The following AOPEP variants were observed in gnomAD, a reference collection of about 807,000 sequenced individuals.
AOPEP encodes the protein aminopeptidase O (putative).
A neutral mutation model predicts 98.1 loss-of-function variants in AOPEP; 77 were observed. The ratio of observed to expected loss-of-function variants is 0.78; its 90% CI spans 0.65 to 0.95. AOPEP has a LOEUF of 0.95. Among genes scored for constraint, AOPEP ranks in the 40% least tolerant of loss-of-function variants. AOPEP has a pLI of 0.00. For synonymous variants in AOPEP, 346 were observed against 365.3 expected (o/e 0.95, Z 0.60); for missense variants, 1,024 against 1,024.7 (o/e 1.00, Z 0.01).
chr9:94,919,116 ATG>A (rs2136674633), intron 5 of AOPEP, among the ~76,000 whole-genome samples: 1 of 152,176 alleles, frequency 6.6e-6, no homozygotes, highest in South Asian at 2.1e-4. Context: ...GGGTTTCACT[ATG>A]TTGGCCAGGC....
At chr9:94,981,345 C>T (rs2060170609) in intron 11 of AOPEP, among the ~76,000 whole-genome samples, 1 of 152,188 alleles carries the variant, frequency 6.6e-6, no homozygotes. Context: ...AGAATCTCTG[C>T]TATAAACTGA....
chr9:94,852,099 A>T (rs559061701), intron 5 of AOPEP, among the ~76,000 whole-genome samples: 1 of 152,138 alleles, frequency 6.6e-6, no homozygotes, highest in African/African-American at 2.4e-5. Flanking sequence ...GACCCCGTAG[A>T]CATGATAATT....
the AOPEP span, chr9:95,101,811 A>G: frequency 1.2e-6 from 2 of 1,614,138 alleles, no homozygotes; most frequent in Non-Finnish European, 1.7e-6. Context: ...TGGTCAAGAA[A>G]GCCAATGATC....
chr9:94,977,167 C>T (rs912735223), intron 10 of AOPEP, among the ~76,000 whole-genome samples: 6 of 152,044 alleles, frequency 3.9e-5, no homozygotes, highest in African/African-American at 1.4e-4. Context: ...GGAGGTAAGA[C>T]AGATTTTATA....
At chr9:94,765,087 A>G (rs1839240973) in intron 2 of AOPEP, among the ~76,000 whole-genome samples, 1 of 151,876 alleles carries the variant, frequency 6.6e-6, no homozygotes, top group African/African-American at 2.4e-5. Context: ...TCAGCCTTCC[A>G]AGTAGCTGGG....
chr9:95,087,407 C>CAGG (rs1405321187), downstream of AOPEP, among the ~76,000 whole-genome samples: 1 of 132,148 alleles, frequency 7.6e-6, no homozygotes, highest in East Asian at 2.3e-4. Flanking sequence ...CGCTTGAACC[C>CAGG]AGGAGGTGGC....
At chr9:95,104,460 G>A in the AOPEP span, among the ~76,000 whole-genome samples, 3 of 152,306 alleles carry the variant, frequency 2.0e-5, no homozygotes, top group East Asian at 5.8e-4. Flanking sequence ...CTGTGCTCCT[G>A]AGGGTTCCCG....
At chr9:94,819,197 G>T (rs148231260) in intron 5 of AOPEP, among the ~76,000 whole-genome samples, 5 of 152,140 alleles carry the variant, frequency 3.3e-5, no homozygotes, top group African/African-American at 9.7e-5. Flanking sequence ...CAGAGATTGA[G>T]CCTGTCAGCT....
At chr9:94,794,752 T>G (rs1007324044) in intron 4 of AOPEP, among the ~76,000 whole-genome samples, 1 of 152,158 alleles carries the variant, frequency 6.6e-6, no homozygotes, top group Admixed American at 6.5e-5. Context: ...GAACTTTAAT[T>G]GCATGTGAGA....
intron 5 of AOPEP, among the ~76,000 whole-genome samples, chr9:94,835,963 C>G (rs1396549741): frequency 1.3e-5 from 2 of 152,170 alleles, no homozygotes; most frequent in Non-Finnish European, 2.9e-5. Flanking sequence ...AATCACTAGT[C>G]AATCCCTAAG....
intron 5 of AOPEP, among the ~76,000 whole-genome samples, chr9:94,901,720 A>C (rs910864085): frequency 5.9e-5 from 9 of 152,158 alleles, no homozygotes; most frequent in Admixed American, 5.2e-4. Context: ...GTGGGTGGGC[A>C]CTTGAGGCCA....
At chr9:94,994,250 A>T (rs1185189595) in intron 11 of AOPEP, among the ~76,000 whole-genome samples, 2 of 152,218 alleles carry the variant, frequency 1.3e-5, no homozygotes, top group African/African-American at 2.4e-5. Context: ...TAGTCAATTA[A>T]GCTGCAAATG....
Position 94,972,938 on chromosome 9 carries a change from C to CA in AOPEP, c.1916+5147dup, listed in dbSNP as rs571786617. 1.0e-3 allele frequency among the ~76,000 whole-genome samples: 144 copies of CA among 142,874 alleles called. No homozygotes were observed. Among genetic ancestry groups the CA allele is most frequent in the Non-Finnish European group, 1.4e-3 (92 of 65,254 alleles). 93.7% of individuals were successfully genotyped at this position (142,874 alleles called of 152,430 possible). A position where few individuals can be genotyped will look rare whatever the true frequency, so the allele number is the denominator to read the frequency against. ...TGGGAGACAGAGTGAGACCCTGTCTCAAAAAAAAAAGGAAGAAAATAAGTA... is the reference window on the plus strand; with the variant it reads ...TGGGAGACAGAGTGAGACCCTGTCTCAAAAAAAAAAAGGAAGAAAATAAGTA... On this transcript the variant is annotated intron_variant, in intron 10 of 16. Coordinates refer to ENST00000375315, the MANE Select transcript of AOPEP (RefSeq NM_001193329.3). The surrounding 1 kb of genome is among the most constrained non-coding windows in gnomAD (Gnocchi z 4.2).
intron 5 of AOPEP, among the ~76,000 whole-genome samples, chr9:94,835,655 G>T (rs1180410958): frequency 6.6e-6 from 1 of 152,180 alleles, no homozygotes; most frequent in Non-Finnish European, 1.5e-5. Flanking sequence ...GTCTCTTTCT[G>T]TTTAAACCAG....
chr9:95,102,646 G>A, the AOPEP span, among the ~76,000 whole-genome samples: 1 of 152,210 alleles, frequency 6.6e-6, no homozygotes, highest in Non-Finnish European at 1.5e-5. Context: ...TGGAAGGGTT[G>A]GGCCGTTCTG....
intron 14 of AOPEP, among the ~76,000 whole-genome samples, chr9:95,080,303 G>A (rs551745877): frequency 1.3e-5 from 2 of 152,132 alleles, no homozygotes; most frequent in Admixed American, 6.5e-5. Flanking sequence ...TGGGGCGGGC[G>A]GATCACGAGG....
chr9:95,044,933 C>T (rs1004305628), intron 13 of AOPEP, among the ~76,000 whole-genome samples: 4 of 152,162 alleles, frequency 2.6e-5, no homozygotes. Context: ...TTGCGTCAGT[C>T]CCTCTCGGCA....
At chr9:95,124,684 A>G in the AOPEP span, among the ~76,000 whole-genome samples, 2 of 152,192 alleles carry the variant, frequency 1.3e-5, no homozygotes, top group Non-Finnish European at 2.9e-5. Flanking sequence ...GTGCTTTGTA[A>G]TAAGTGCCCT....
At chr9:95,036,099 C>G (rs2061801) in intron 13 of AOPEP, among the ~76,000 whole-genome samples, 147,909 of 152,268 alleles carry the variant, frequency 0.97, 71,868 homozygotes, top group Middle Eastern at 0.99. Flanking sequence ...TAGTGATTTA[C>G]ATGGCTTTAA....
Sources: allele counts gnomAD v4.1 joint callset (sites outside exome capture counted in the v4.1 genomes callset), GRCh38; gene constraint gnomAD v4.1.1; non-coding constraint Gnocchi (gnomAD v3.1); transcripts MANE v1.5; gene names NCBI Gene and HGNC (gene_info 2026-07-23, HGNC 2026-07-21).